Variants in CADPS2 observed in about 807,000 individuals in gnomAD.
The protein encoded by CADPS2 is calcium dependent secretion activator 2, also known as calcium-dependent secretion activator 2.
Under a neutral mutation model 172.5 loss-of-function variants are expected in CADPS2, and 93 were observed. The observed-to-expected ratio is 0.54, with a 90% confidence interval of 0.46 to 0.64. The LOEUF (loss-of-function observed/expected upper bound fraction) is 0.64. Ranked by LOEUF, CADPS2 falls within the 30% of genes least tolerant of loss-of-function variation. The pLI, the probability that CADPS2 is intolerant of heterozygous loss-of-function variation, is 0.00. For missense variants in CADPS2, 1,420 were observed against 1,565.9 expected, an observed-to-expected ratio of 0.91 and a Z score of 1.57; for synonymous variants, 546 against 555.2, an observed-to-expected ratio of 0.98 and a Z score of 0.23.
rs187650460 is a variant in CADPS2 at position 122,643,673 on chromosome 7, G to A, written c.787-14345C>T. Among the ~76,000 whole-genome samples, 542 of 152,132 alleles carry A rather than the reference G, an allele frequency of 3.6e-3. 1 individual carries two copies. The highest frequency in any genetic ancestry group is 5.5e-3 in the Non-Finnish European group (372 of 68,012). On this transcript the variant is annotated intron_variant, in intron 3 of 29. Coordinates refer to ENST00000449022, the MANE Select transcript of CADPS2 (RefSeq NM_017954.11). ...CCCTTGATTAGGTGAAAATTTCTGA[G>A]GGGGCAGAGGGAAGAGAAAGGAGGG...
intron 7 of CADPS2, among the ~76,000 whole-genome samples, chr7:122,571,686 C>T (rs1198662073): frequency 6.6e-6 from 1 of 152,164 alleles, no homozygotes; most frequent in Non-Finnish European, 1.5e-5. Context: ...TGGACCTTTC[C>T]CTGTCTGCGC....
chr7:122,541,199 A>T (rs888343616), intron 8 of CADPS2, among the ~76,000 whole-genome samples: 3 of 138,126 alleles, frequency 2.2e-5, no homozygotes, highest in African/African-American at 7.9e-5. Flanking sequence ...TTATGAGATG[A>T]TTTTTTTTTT....
rs187679985 is a variant in CADPS2, at chr7:122,673,645, G to A, written c.454-10076C>T. On this transcript the variant is annotated intron_variant, in intron 2 of 29. Transcript: ENST00000449022. ...ACAGAGTGCTGATTGGTGCAGCCATGAATCCCGAGCTAGACACAGATTGCT... is the reference window on the plus strand; with the variant it reads ...ACAGAGTGCTGATTGGTGCAGCCATAAATCCCGAGCTAGACACAGATTGCT... Among the ~76,000 whole-genome samples the A allele has an allele frequency of 1.8e-3, 276 of 152,016 alleles. 6 individuals carry two copies. The Middle Eastern group carries it at 0.044, about 24-fold the overall frequency.
chr7:122,562,085 A>T (rs908449506), intron 7 of CADPS2, among the ~76,000 whole-genome samples: 8 of 152,204 alleles, frequency 5.3e-5, no homozygotes, highest in Non-Finnish European at 1.2e-4. Flanking sequence ...TGTTTACTTA[A>T]CAGTCTCTCA....
At chr7:122,822,984 C>T (rs1271295404) in intron 1 of CADPS2, among the ~76,000 whole-genome samples, 2 of 151,384 alleles carry the variant, frequency 1.3e-5, no homozygotes, top group Non-Finnish European at 2.9e-5. Context: ...GGTCTCTTCA[C>T]ATGGACACGC....
intron 1 of CADPS2, among the ~76,000 whole-genome samples, chr7:122,750,039 C>T (rs2092885713): frequency 6.7e-6 from 1 of 150,078 alleles, no homozygotes; most frequent in Non-Finnish European, 1.5e-5. Context: ...TTTATTCTAT[C>T]AGTTACAAAG....
chr7:122,676,465 A>T, intron 2 of CADPS2: 1 of 387,374 alleles, frequency 2.6e-6, no homozygotes, highest in Admixed American at 4.5e-5. Flanking sequence ...CATTTGAAAA[A>T]TGAGGACATT....
chr7:122,754,963 T>C (rs1390703078), intron 1 of CADPS2, among the ~76,000 whole-genome samples: 1 of 152,212 alleles, frequency 6.6e-6, no homozygotes, highest in Admixed American at 6.5e-5. Context: ...TAATCAAGTT[T>C]CTGAATTCAT....
At chr7:122,517,187 G>A (rs1406661852) in intron 8 of CADPS2, among the ~76,000 whole-genome samples, 1 of 152,146 alleles carries the variant, frequency 6.6e-6, no homozygotes, top group Non-Finnish European at 1.5e-5. Flanking sequence ...TGAGTAGAAT[G>A]CTTTGGTGAT....
At chr7:122,620,112 T>TA (rs1213415703) in intron 5 of CADPS2, among the ~76,000 whole-genome samples, 1 of 152,162 alleles carries the variant, frequency 6.6e-6, no homozygotes, top group Non-Finnish European at 1.5e-5. Flanking sequence ...GAAGTTTCAA[T>TA]AAAAAAATTG....
chr7:122,672,157 C>T (rs1476611296), intron 2 of CADPS2, among the ~76,000 whole-genome samples: 1 of 152,138 alleles, frequency 6.6e-6, no homozygotes, highest in African/African-American at 2.4e-5. Context: ...ATCTTTCAGG[C>T]TTATCAGTTA....
chr7:122,557,863 G>T (rs543743776), intron 7 of CADPS2, among the ~76,000 whole-genome samples: 1 of 152,210 alleles, frequency 6.6e-6, no homozygotes, highest in East Asian at 1.9e-4. Flanking sequence ...TTCTAAGTAG[G>T]GACATATGAA....
At chr7:122,479,507 C>G (rs995269218) in intron 12 of CADPS2, among the ~76,000 whole-genome samples, 1 of 152,204 alleles carries the variant, frequency 6.6e-6, no homozygotes, top group African/African-American at 2.4e-5. Flanking sequence ...TACATACTTT[C>G]TGCTGAAAAG....
intron 2 of CADPS2, among the ~76,000 whole-genome samples, chr7:122,720,528 A>C (rs2090245581): frequency 6.6e-6 from 1 of 151,364 alleles, no homozygotes; most frequent in Non-Finnish European, 1.5e-5. Flanking sequence ...ACATATGTGT[A>C]TGCAGATATG....
chr7:122,511,643 A>T (rs960785836), intron 9 of CADPS2, among the ~76,000 whole-genome samples: 1 of 152,200 alleles, frequency 6.6e-6, no homozygotes, highest in African/African-American at 2.4e-5. Flanking sequence ...TTATGCTAAC[A>T]ACATTAGCCA....
intron 7 of CADPS2, among the ~76,000 whole-genome samples, chr7:122,574,163 G>A (rs1396590720): frequency 6.6e-6 from 1 of 151,770 alleles, no homozygotes; most frequent in Admixed American, 6.6e-5. Context: ...TGTATTTCTT[G>A]GGCTGGGAAC....
intron 8 of CADPS2, among the ~76,000 whole-genome samples, chr7:122,553,078 T>C (rs968066475): frequency 6.6e-6 from 1 of 152,134 alleles, no homozygotes; most frequent in Non-Finnish European, 1.5e-5. Flanking sequence ...ATCCTTCAAG[T>C]TTTATCTCAA....
At chr7:122,325,122 T>C (rs2033551980) in intron 29 of CADPS2, among the ~76,000 whole-genome samples, 1 of 152,082 alleles carries the variant, frequency 6.6e-6, no homozygotes, top group Admixed American at 6.6e-5. Context: ...GCCCTCACAA[T>C]GATATATGAT....
intron 15 of CADPS2, among the ~76,000 whole-genome samples, chr7:122,449,105 A>G (rs1320955791): frequency 1.3e-5 from 2 of 152,152 alleles, no homozygotes; most frequent in African/African-American, 2.4e-5. Context: ...AAATTTATTT[A>G]TTGTTTAAAA....
Sources: allele counts gnomAD v4.1 joint callset (sites outside exome capture counted in the v4.1 genomes callset), GRCh38; gene constraint gnomAD v4.1.1; transcripts MANE v1.5; gene names NCBI Gene and HGNC (gene_info 2026-07-23, HGNC 2026-07-21).